KIF13A: variants seen among roughly 807,000 people sequenced by gnomAD.
KIF13A encodes kinesin-like protein KIF13A.
In KIF13A, 79 loss-of-function variants were observed where a neutral mutation model predicts 212.2. The observed-to-expected ratio is 0.37, with a 90% CI of 0.31 to 0.45. The LOEUF is 0.45. Ranked by LOEUF, KIF13A falls within the 20% of genes least tolerant of loss-of-function variation. The probability of loss-of-function intolerance (pLI) is 1.00; values close to 1 mark genes in which losing one functional copy is unlikely to be tolerated. For missense variants in KIF13A, 1,901 were observed against 2,209.0 expected (o/e 0.86, Z 2.79); for synonymous variants, 789 against 808.6 (o/e 0.98, Z 0.41).
At chr6:17,817,494 G>A (rs77300904) in intron 16 of KIF13A, among the ~76,000 whole-genome samples, 7,337 of 152,188 alleles carry the variant, frequency 0.048, 256 homozygotes, top group Middle Eastern at 0.078. Context: ...TCATCCTAAC[G>A]TTTAGATAAA....
At chr6:17,762,498 C>T (rs1443816422), downstream of KIF13A, among the ~76,000 whole-genome samples, 1 of 152,162 alleles carries the variant, frequency 6.6e-6, no homozygotes. Context: ...AGGCATGAGC[C>T]ACCATACTCG....
chr6:17,799,266 C>T lies in KIF13A; in HGVS notation c.2790G>A (p.Lys930=). The part of the protein sequence containing the change: ...AQYTVTFSHC[K]DYVVNVTEEF... ...GCTCATTTGGTAATGGCATTTGTAC[C>T]TTACAGTGGGAGAAGGTCACTGTGT... The change falls in exon 22 of 39, where the codon AAG becomes AAA. Residue 930 remains lysine (K), a splice_region_variant and synonymous_variant. Coordinates refer to ENST00000259711, the MANE Select transcript of KIF13A (RefSeq NM_022113.6). This position sits in a 1 kb window ranked among gnomAD's most constrained non-coding sequence, Gnocchi z 4.4. 6.3e-7 allele frequency: 1 copy of T among 1,585,990 alleles called. No individual in the cohort carries two copies. The highest frequency in any genetic ancestry group is 8.6e-7 in the Non-Finnish European group (1 of 1,166,290).
At chr6:17,803,903 A>G (rs1762697778) in intron 20 of KIF13A, among the ~76,000 whole-genome samples, 1 of 152,230 alleles carries the variant, frequency 6.6e-6, no homozygotes, top group Admixed American at 6.5e-5. Flanking sequence ...CTGTAATCCC[A>G]GCACTTTGGG....
intron 2 of KIF13A, among the ~76,000 whole-genome samples, chr6:17,975,489 T>A (rs77563259): frequency 0.015 from 2,264 of 152,212 alleles, 60 homozygotes; most frequent in African/African-American, 0.051. Flanking sequence ...TTACAGCTTA[T>A]AAAGACAATG....
At chr6:17,977,906 G>A (rs1157802452) in intron 2 of KIF13A, among the ~76,000 whole-genome samples, 2 of 152,062 alleles carry the variant, frequency 1.3e-5, no homozygotes, top group Non-Finnish European at 2.9e-5. Context: ...TTTCTGTCAC[G>A]TTTCTTACAA....
At chr6:17,780,010 T>C (rs903785369) in intron 31 of KIF13A, among the ~76,000 whole-genome samples, 14 of 152,234 alleles carry the variant, frequency 9.2e-5, no homozygotes, top group African/African-American at 3.4e-4. Context: ...CCTCTCAAAG[T>C]GCTGGGACTA....
intron 2 of KIF13A, among the ~76,000 whole-genome samples, chr6:17,974,545 G>A (rs901249570): frequency 1.3e-5 from 2 of 152,172 alleles, no homozygotes; most frequent in Non-Finnish European, 2.9e-5. Flanking sequence ...ACTTTGCCCT[G>A]TTCAGATTCC....
Position 17,809,763 on chromosome 6 carries a change from G to A in KIF13A, c.2001-833C>T, listed in dbSNP as rs1265671496. 6.6e-6 allele frequency among the ~76,000 whole-genome samples: 1 copy of A among 152,130 alleles called. No individual in the cohort carries two copies. The highest frequency in any genetic ancestry group is 1.5e-5 in the Non-Finnish European group (1 of 68,016). On this transcript the variant is annotated intron_variant, in intron 17 of 38. Transcript: ENST00000259711. This position sits in a 1 kb window ranked among gnomAD's most constrained non-coding sequence, Gnocchi z 4.7. ...AGTCACTCCATCTAGCAATTGCTCT[G>A]TGTCATATATAACTTCTCTTTTCCA...
chr6:17,803,014 A>T (rs1200054144), intron 20 of KIF13A, among the ~76,000 whole-genome samples: 1 of 146,164 alleles, frequency 6.8e-6, no homozygotes, highest in African/African-American at 2.5e-5. Flanking sequence ...GCTCACTGCA[A>T]CCTCCACCTC....
At chr6:17,882,957 C>T (rs1338009989) in intron 3 of KIF13A, among the ~76,000 whole-genome samples, 3 of 152,174 alleles carry the variant, frequency 2.0e-5, no homozygotes, top group Admixed American at 6.5e-5. Flanking sequence ...ATGTATACAT[C>T]TATTTATATA....
rs200408645 is a variant in KIF13A at position 17,850,288 on chromosome 6, C to T, written c.717+35G>A. The T allele has an allele frequency of 4.9e-5, 77 of 1,574,940 alleles. No individual in the cohort carries two copies. In the African/African-American group the frequency reaches 9.3e-4, roughly 19 times the overall value. ...TATATGGACACTTTCAGTTCTTCCA[C>T]CCCCACTCCAAAAAGGTTCTGCCTA... is the stretch of plus-strand genomic sequence containing the variant. On this transcript the variant is annotated intron_variant, in intron 8 of 38. Transcript: ENST00000259711. The surrounding 1 kb of genome is among the most constrained non-coding windows in gnomAD (Gnocchi z 6.2).
chr6:17,868,114 G>A (rs779715694), intron 4 of KIF13A, among the ~76,000 whole-genome samples: 2 of 152,236 alleles, frequency 1.3e-5, no homozygotes, highest in Non-Finnish European at 2.9e-5. Context: ...CATGCCATAT[G>A]GCAAGAACTG....
chr6:17,771,832 G>C lies in KIF13A; in HGVS notation c.4476+76C>G. The C allele has an allele frequency of 7.0e-7, 1 of 1,425,616 alleles. No individual in the cohort carries two copies. The highest frequency in any genetic ancestry group is 2.3e-5 in the East Asian group (1 of 43,730). 88.3% of individuals were successfully genotyped at this position (1,425,616 alleles called of 1,614,324 possible). A position where few individuals can be genotyped will look rare whatever the true frequency, so the allele number is the denominator to read the frequency against. On this transcript the variant is annotated intron_variant, in intron 37 of 38. Transcript: ENST00000259711. The surrounding 1 kb of genome is among the most constrained non-coding windows in gnomAD (Gnocchi z 5.4). ...CATGTCCACATGCAGCACTCAGCTTGTTAATGCACACTGCTGCTTCACAGG... is the reference window on the plus strand; with the variant it reads ...CATGTCCACATGCAGCACTCAGCTTCTTAATGCACACTGCTGCTTCACAGG...
At chr6:17,822,040 C>CGTCTT in intron 16 of KIF13A, 1 of 615,942 alleles carries the variant, frequency 1.6e-6, no homozygotes. Flanking sequence ...GGAAACATAA[C>CGTCTT]TTCTTTTTTT....
intron 2 of KIF13A, among the ~76,000 whole-genome samples, chr6:17,978,288 T>C (rs1232694429): frequency 1.3e-5 from 2 of 152,260 alleles, no homozygotes; most frequent in Non-Finnish European, 2.9e-5. Context: ...CACCTAGTTG[T>C]TGAGTGGTAA....
In KIF13A at chr6:17,855,733, A is replaced by T; in HGVS notation, c.314-116T>A. 4 of 804,400 alleles carry T rather than the reference A, an allele frequency of 5.0e-6. No individual in the cohort carries two copies. The highest frequency in any genetic ancestry group is 5.8e-6 in the Non-Finnish European group (3 of 515,588). 49.8% of individuals were successfully genotyped at this position (804,400 alleles called of 1,614,324 possible). On this transcript the variant is annotated intron_variant, in intron 5 of 38. Transcript: ENST00000259711. This position sits in a 1 kb window ranked among gnomAD's most constrained non-coding sequence, Gnocchi z 4.1. ...TGGTAACATAGCAGAAGAGTGGCCA[A>T]CTTAGCCTCAAACCCTGTTGCTCAG...
chr6:17,822,043 C>CTTCT (rs1554172389), intron 16 of KIF13A: 10 of 586,244 alleles, frequency 1.7e-5, no homozygotes, highest in South Asian at 7.0e-5. Context: ...AACATAACTT[C>CTTCT]TTTTTTTTTT....
Position 17,773,671 on chromosome 6 carries a change from T to A in KIF13A, c.4219-88A>T. 1.5e-6 allele frequency: 1 copy of A among 646,750 alleles called. No individual in the cohort carries two copies. The highest frequency in any genetic ancestry group is 2.6e-5 in the East Asian group (1 of 38,180). The allele number at this position is 646,750 out of a possible 1,614,324, so 40.1% of individuals were successfully genotyped here. A position where few individuals can be genotyped will look rare whatever the true frequency, so the allele number is the denominator to read the frequency against. Reference sequence around the variant, plus strand: ...GGTTGGAGTTTCTTCTGTTTTTTTTTAATGGCAGCATATGCTCTTCTTTAT... The same window carrying A: ...GGTTGGAGTTTCTTCTGTTTTTTTTAAATGGCAGCATATGCTCTTCTTTAT... On this transcript the variant is annotated intron_variant, in intron 35 of 38. Transcript: ENST00000259711. The surrounding 1 kb of genome is among the most constrained non-coding windows in gnomAD (Gnocchi z 4.2).
At chr6:17,894,080 C>T (rs1313987215) in intron 3 of KIF13A, among the ~76,000 whole-genome samples, 1 of 151,472 alleles carries the variant, frequency 6.6e-6, no homozygotes, top group Non-Finnish European at 1.5e-5. Context: ...CCTCGTGATC[C>T]TCCCACCTTG....
Sources: allele counts gnomAD v4.1 joint callset (sites outside exome capture counted in the v4.1 genomes callset), GRCh38; gene constraint gnomAD v4.1.1; non-coding constraint Gnocchi (gnomAD v3.1); transcripts MANE v1.5; gene names NCBI Gene and HGNC (gene_info 2026-07-23, HGNC 2026-07-21).